The following C12orf42 variants were observed in gnomAD, a reference collection of about 807,000 sequenced individuals.
C12orf42 encodes the protein uncharacterized protein C12orf42.
C12orf42 carries 25 observed loss-of-function variants against 21.6 expected under a neutral mutation model. The ratio of observed to expected loss-of-function variants is 1.16; its 90% CI spans 0.84 to 1.62. C12orf42 has a LOEUF of 1.62. Among genes scored for constraint, C12orf42 ranks in the 40% most tolerant of loss-of-function variants. The probability of loss-of-function intolerance (pLI) is 0.00; values close to 1 mark genes in which losing one functional copy is unlikely to be tolerated. For synonymous variants in C12orf42, 174 were observed against 175.0 expected (o/e 0.99, Z 0.05); for missense variants, 483 against 459.3 (o/e 1.05, Z -0.47).
chr12:103,304,456 T>C (rs548422684), intron 5 of C12orf42, among the ~76,000 whole-genome samples: 2 of 152,224 alleles, frequency 1.3e-5, no homozygotes, highest in East Asian at 3.9e-4. Context: ...GTAGGTGACA[T>C]TTCAAGTCAA....
intron 2 of C12orf42, among the ~76,000 whole-genome samples, chr12:103,403,234 G>A (rs2048160738): frequency 6.6e-6 from 1 of 152,092 alleles, no homozygotes; most frequent in South Asian, 2.1e-4. Context: ...AAATTAGCCG[G>A]GAGTGGTGGC....
At chr12:103,273,870 A>G in intron 5 of C12orf42, 2 of 456,334 alleles carry the variant, frequency 4.4e-6, no homozygotes, top group South Asian at 1.5e-5. Context: ...GTCTCCTCAT[A>G]GTGGCTATTT....
intron 3 of C12orf42, among the ~76,000 whole-genome samples, chr12:103,375,891 C>T (rs1362986431): frequency 6.6e-6 from 1 of 152,128 alleles, no homozygotes; most frequent in Non-Finnish European, 1.5e-5. Context: ...TTCTGTATTT[C>T]TCACTCATGA....
chr12:103,265,845 G>A (rs2035143369), downstream of C12orf42, among the ~76,000 whole-genome samples: 1 of 128,038 alleles, frequency 7.8e-6, no homozygotes. Flanking sequence ...TGTTTGCAAT[G>A]GGCACATACT....
chr12:103,368,888 T>G lies in C12orf42; in HGVS notation c.258A>C (p.Pro86=). 2 of 1,512,194 alleles carry G rather than the reference T, an allele frequency of 1.3e-6. No homozygotes were observed. Among genetic ancestry groups the G allele is most frequent in the Non-Finnish European group, 1.8e-6 (2 of 1,100,080 alleles). The allele number at this position is 1,512,194 out of a possible 1,614,324, so 93.7% of individuals were successfully genotyped here. Residue 86 remains proline (P), a splice_region_variant and synonymous_variant, in exon 4 of 6, where the codon CCA becomes CCC. Coordinates refer to ENST00000548883, the MANE Select transcript of C12orf42 (RefSeq NM_198521.5). ...KFRSLHFLNF[P]VFPERTQNSM... is the part of the protein sequence containing the mutation. ...TCTTGGGATTATGTCTTAATTTACC[T>G]GGAAAATTCAGAAAGTGTAGACTAC...
the C12orf42 span, among the ~76,000 whole-genome samples, chr12:103,173,674 C>A: frequency 6.6e-6 from 1 of 151,638 alleles, no homozygotes; most frequent in Non-Finnish European, 1.5e-5. Context: ...TAAACAAATG[C>A]ACCCTTCCCT....
chr12:103,133,137 G>A, the C12orf42 span, among the ~76,000 whole-genome samples: 1 of 152,126 alleles, frequency 6.6e-6, no homozygotes, highest in East Asian at 1.9e-4. Context: ...TCAGGGACCT[G>A]AGGTTAGGCT....
chr12:103,537,282 G>A, the C12orf42 span, among the ~76,000 whole-genome samples: 2 of 151,816 alleles, frequency 1.3e-5, no homozygotes, highest in African/African-American at 4.8e-5. Context: ...TGGTTCCATT[G>A]TCTGGGGTAG....
chr12:103,089,466 T>C, the C12orf42 span, among the ~76,000 whole-genome samples: 1 of 152,212 alleles, frequency 6.6e-6, no homozygotes, highest in African/African-American at 2.4e-5. Context: ...TTACAGGGCG[T>C]ATCTTCTTCT....
downstream of C12orf42, among the ~76,000 whole-genome samples, chr12:103,233,412 G>A (rs2033367221): frequency 6.6e-6 from 1 of 152,128 alleles, no homozygotes; most frequent in Non-Finnish European, 1.5e-5. Flanking sequence ...ATCAAGTTGG[G>A]AAGAACTGAC....
the C12orf42 span, among the ~76,000 whole-genome samples, chr12:103,060,644 C>G: frequency 6.6e-6 from 1 of 152,092 alleles, no homozygotes; most frequent in African/African-American, 2.4e-5. Flanking sequence ...ACCAATGGAA[C>G]AGAACAGAGA....
chr12:103,164,565 A>G, the C12orf42 span: 2 of 422,732 alleles, frequency 4.7e-6, no homozygotes, highest in Admixed American at 5.2e-5. Context: ...GGTGGGTGCC[A>G]GTATAAAAGA....
At chr12:103,363,774 C>T (rs770818132) in intron 4 of C12orf42, among the ~76,000 whole-genome samples, 4 of 152,024 alleles carry the variant, frequency 2.6e-5, no homozygotes, top group Non-Finnish European at 5.9e-5. Flanking sequence ...AATAAAAGGT[C>T]TTATCCAACA....
In C12orf42 at chr12:103,434,940, G is replaced by T. The variant is rs867784526; in HGVS notation, c.79-33265C>A. ...TGCCTGCCTCTGCAGGCTCCACCTC[G>T]GGGGGCAGGGCACAGACAAACAAAA... On this transcript the variant is annotated intron_variant, in intron 2 of 5. Coordinates refer to ENST00000548883, the MANE Select transcript of C12orf42 (RefSeq NM_198521.5). Among the ~76,000 whole-genome samples the T allele has an allele frequency of 6.4e-4, 98 of 152,330 alleles. No individual in the cohort carries two copies. In the Middle Eastern group the frequency reaches 0.017, roughly 26 times the overall value.
At chr12:103,318,503 A>G (rs1304918474) in intron 4 of C12orf42, among the ~76,000 whole-genome samples, 1 of 152,182 alleles carries the variant, frequency 6.6e-6, no homozygotes, top group Non-Finnish European at 1.5e-5. Flanking sequence ...CCTTGCCAAC[A>G]CTTGCTATTA....
the C12orf42 span, among the ~76,000 whole-genome samples, chr12:103,051,185 T>A: frequency 6.6e-6 from 1 of 152,166 alleles, no homozygotes; most frequent in Admixed American, 6.5e-5. Flanking sequence ...AACCATCAAA[T>A]GACTAATAAG....
intron 4 of C12orf42, among the ~76,000 whole-genome samples, chr12:103,312,976 C>G (rs6539064): frequency 0.31 from 47,319 of 152,064 alleles, 7,706 homozygotes; most frequent in South Asian, 0.4. Context: ...GCGAGCTGAC[C>G]ACTTCACACC....
At chr12:103,442,041 G>A (rs1951279818) in intron 2 of C12orf42, among the ~76,000 whole-genome samples, 1 of 152,108 alleles carries the variant, frequency 6.6e-6, no homozygotes, top group South Asian at 2.1e-4. Context: ...CTACTCAGGA[G>A]GCTGAAGTGG....
intron 2 of C12orf42, among the ~76,000 whole-genome samples, chr12:103,420,361 G>A (rs960104774): frequency 6.6e-6 from 1 of 152,114 alleles, no homozygotes; most frequent in Non-Finnish European, 1.5e-5. Context: ...TGGAAATCTT[G>A]CAAACTGCCA....
Sources: allele counts gnomAD v4.1 joint callset (sites outside exome capture counted in the v4.1 genomes callset), GRCh38; gene constraint gnomAD v4.1.1; transcripts MANE v1.5; gene names NCBI Gene and HGNC (gene_info 2026-07-23, HGNC 2026-07-21).